OR2L13: variants seen among roughly 807,000 people sequenced by gnomAD.
OR2L13 encodes the protein olfactory receptor 2L13.
OR2L13 carries 14 observed loss-of-function variants against 15.3 expected under a neutral mutation model. The observed-to-expected ratio is 0.91, with a 90% CI of 0.60 to 1.43. The LOEUF (loss-of-function observed/expected upper bound fraction) is 1.43. Among genes scored for constraint, OR2L13 ranks in the 40% most tolerant of loss-of-function variants. The pLI is 0.00. For synonymous variants in OR2L13, 152 were observed against 142.9 expected (o/e 1.06, Z -0.45); for missense variants, 367 against 387.9 (o/e 0.95, Z 0.45).
At chr1:248,014,479 T>C in the OR2L13 span, among the ~76,000 whole-genome samples, 1 of 152,150 alleles carries the variant, frequency 6.6e-6, no homozygotes, top group Admixed American at 6.5e-5. Context: ...ATATATTTAT[T>C]TTTTTCTTTT....
At chr1:248,091,273 A>G (rs1161020648), upstream of OR2L13, among the ~76,000 whole-genome samples, 1 of 151,762 alleles carries the variant, frequency 6.6e-6, no homozygotes, top group East Asian at 1.9e-4. Context: ...GCTATGCAAG[A>G]GCTCTTTAAT....
At chr1:248,033,598 G>C in the OR2L13 span, among the ~76,000 whole-genome samples, 1 of 90,382 alleles carries the variant, frequency 1.1e-5, no homozygotes, top group Admixed American at 1.6e-4. Context: ...CACCACACCT[G>C]GCTAATTTTT....
chr1:247,955,622 C>CT, the OR2L13 span, among the ~76,000 whole-genome samples: 1 of 146,556 alleles, frequency 6.8e-6, no homozygotes, highest in Non-Finnish European at 1.5e-5. Context: ...TGTTTCCTGA[C>CT]TTTTTAATGA....
chr1:247,990,390 C>T, the OR2L13 span: 1 of 1,585,342 alleles, frequency 6.3e-7, no homozygotes, highest in South Asian at 1.1e-5. Context: ...AATTGGAAAC[C>T]TATCCATGAT....
At chr1:248,028,247 C>A in the OR2L13 span, among the ~76,000 whole-genome samples, 1 of 150,228 alleles carries the variant, frequency 6.7e-6, no homozygotes, top group Non-Finnish European at 1.5e-5. Context: ...GATTAACAAA[C>A]CCTTTCTCTG....
the OR2L13 span, chr1:247,937,476 G>A: frequency 1.3e-5 from 2 of 156,698 alleles, no homozygotes; most frequent in Non-Finnish European, 2.8e-5. Flanking sequence ...CCCATCAGCA[G>A]CTCAGGGATG....
chr1:248,002,829 G>A, the OR2L13 span, among the ~76,000 whole-genome samples: 7 of 150,852 alleles, frequency 4.6e-5, no homozygotes, highest in South Asian at 2.1e-4. Flanking sequence ...CTGCACTCCA[G>A]CCTGGGCGAA....
At chr1:248,077,991 C>A in the OR2L13 span, among the ~76,000 whole-genome samples, 1 of 152,234 alleles carries the variant, frequency 6.6e-6, no homozygotes, top group African/African-American at 2.4e-5. Flanking sequence ...TAAGAGGCAT[C>A]TTATCAAATA....
chr1:248,048,348 A>C, the OR2L13 span, among the ~76,000 whole-genome samples: 1 of 152,236 alleles, frequency 6.6e-6, no homozygotes, highest in Non-Finnish European at 1.5e-5. Context: ...ATATTAAATA[A>C]GATCAGTTAT....
chr1:248,021,173 C>A, the OR2L13 span, among the ~76,000 whole-genome samples: 1 of 151,994 alleles, frequency 6.6e-6, no homozygotes, highest in Admixed American at 6.6e-5. Context: ...ACATTCCTAT[C>A]CTTTTGAAGT....
At chr1:248,037,535 A>G in the OR2L13 span, among the ~76,000 whole-genome samples, 3 of 152,210 alleles carry the variant, frequency 2.0e-5, no homozygotes, top group Non-Finnish European at 4.4e-5. Context: ...CTATAAATGT[A>G]TATATTTCTT....
the OR2L13 span, among the ~76,000 whole-genome samples, chr1:247,982,059 T>C: frequency 2.4e-4 from 37 of 152,238 alleles, no homozygotes; most frequent in East Asian, 1.4e-3. Context: ...TCGTGATCCA[T>C]CCGCCTCGGC....
the OR2L13 span, among the ~76,000 whole-genome samples, chr1:247,993,757 GAGGGGGA>G: frequency 1.9e-5 from 1 of 53,760 alleles, no homozygotes; most frequent in Non-Finnish European, 3.7e-5. Context: ...GAGACAGAGA[GAGGGGGA>G]GAGAGAGAGA....
chr1:248,070,936 A>G, the OR2L13 span, among the ~76,000 whole-genome samples: 2 of 152,246 alleles, frequency 1.3e-5, no homozygotes, highest in Non-Finnish European at 2.9e-5. Flanking sequence ...GGAGAAGTTG[A>G]ATCTCTGAAT....
chr1:248,057,127 A>G, the OR2L13 span, among the ~76,000 whole-genome samples: 1 of 152,156 alleles, frequency 6.6e-6, no homozygotes, highest in Admixed American at 6.6e-5. Flanking sequence ...TGTTTTGGGA[A>G]GGAGAGTTCT....
At chr1:247,960,636 A>T in the OR2L13 span, among the ~76,000 whole-genome samples, 1 of 152,084 alleles carries the variant, frequency 6.6e-6, no homozygotes, top group Non-Finnish European at 1.5e-5. Context: ...AAGCCTCAGC[A>T]ATGGCAGGCA....
the OR2L13 span, among the ~76,000 whole-genome samples, chr1:248,067,206 G>A: frequency 6.6e-6 from 1 of 152,164 alleles, no homozygotes; most frequent in Non-Finnish European, 1.5e-5. Context: ...CCAGCATAAA[G>A]TGTATTGAAA....
the OR2L13 span, among the ~76,000 whole-genome samples, chr1:247,963,602 T>C: frequency 6.6e-6 from 1 of 152,216 alleles, no homozygotes; most frequent in Non-Finnish European, 1.5e-5. Context: ...AATCGAGATA[T>C]GCCTTTTTCT....
At chr1:247,995,550 C>T in the OR2L13 span, among the ~76,000 whole-genome samples, 1 of 152,152 alleles carries the variant, frequency 6.6e-6, no homozygotes, top group African/African-American at 2.4e-5. Context: ...TGATTTTATA[C>T]AATCTAGAGC....
Sources: gnomAD v4.1 joint callset for allele counts (sites outside exome capture counted in the v4.1 genomes callset) on GRCh38, gnomAD v4.1.1 for gene constraint, MANE v1.5 for transcripts, NCBI Gene and HGNC (gene_info 2026-07-23, HGNC 2026-07-21) for gene names.